The following STAG1 variants were observed in gnomAD, a reference collection of about 807,000 sequenced individuals.
STAG1 encodes the protein STAG1 cohesin complex component, also known as cohesin subunit SA-1.
STAG1 carries 26 observed loss-of-function variants against 170.9 expected under a neutral mutation model. The observed-to-expected ratio is 0.15, with a 90% CI of 0.11 to 0.21. The LOEUF is 0.21. STAG1 is among the 10% of genes least tolerant of loss of function. STAG1 has a pLI of 1.00. For missense variants in STAG1, 964 were observed against 1,509.5 expected (o/e 0.64, Z 5.99); for synonymous variants, 514 against 497.7 (o/e 1.03, Z -0.44).
chr3:136,422,108 C>T (rs893779033), intron 19 of STAG1, among the ~76,000 whole-genome samples: 1 of 145,590 alleles, frequency 6.9e-6, no homozygotes. Flanking sequence ...GAACTGAGAT[C>T]GTGCCACTGC....
intron 1 of STAG1, among the ~76,000 whole-genome samples, chr3:136,679,707 C>A (rs1431875050): frequency 7.5e-6 from 1 of 133,190 alleles, no homozygotes; most frequent in Non-Finnish European, 1.5e-5. Flanking sequence ...CTGGCCTGGG[C>A]GAAAGAGCAA....
intron 4 of STAG1, among the ~76,000 whole-genome samples, chr3:136,595,676 C>CAATAAATA (rs59472050): frequency 5.3e-4 from 68 of 127,430 alleles, no homozygotes; most frequent in Admixed American, 1.2e-3. Flanking sequence ...GACTCCATCT[C>CAATAAATA]AATAAATAAA....
At chr3:136,489,180 A>T (rs1276705214) in intron 9 of STAG1, among the ~76,000 whole-genome samples, 1 of 152,268 alleles carries the variant, frequency 6.6e-6, no homozygotes, top group Non-Finnish European at 1.5e-5. Flanking sequence ...TCTATTTTAC[A>T]GCATAAAAGA....
intron 12 of STAG1, among the ~76,000 whole-genome samples, chr3:136,469,624 G>GA (rs1439825735): frequency 7.9e-5 from 12 of 152,140 alleles, no homozygotes; most frequent in African/African-American, 2.7e-4. Context: ...CACAGAATTG[G>GA]AAAAAACTAC....
chr3:136,472,257 C>T (rs1270846136), intron 12 of STAG1, among the ~76,000 whole-genome samples, 156 bp downstream of exon 12: 1 of 151,722 alleles, frequency 6.6e-6, no homozygotes, highest in Non-Finnish European at 1.5e-5. Context: ...TAGAAAAAAA[C>T]AGAAAACACT....
At chr3:136,717,021 T>C (rs1381151437) in intron 1 of STAG1, among the ~76,000 whole-genome samples, 7 of 152,220 alleles carry the variant, frequency 4.6e-5, no homozygotes, top group Non-Finnish European at 1.0e-4. Flanking sequence ...CAAATGGGAA[T>C]TTACATAAAT....
intron 5 of STAG1, 84 bp from the exon 6 acceptor site, chr3:136,542,279 G>C (rs1407097367): frequency 2.1e-6 from 2 of 970,158 alleles, no homozygotes; most frequent in Non-Finnish European, 1.6e-6. Flanking sequence ...CAAGTTATCT[G>C]TGAGAATCCC....
At chr3:136,646,847 G>A (rs748508082) in intron 1 of STAG1, among the ~76,000 whole-genome samples, 1 of 151,978 alleles carries the variant, frequency 6.6e-6, no homozygotes, top group Non-Finnish European at 1.5e-5. Context: ...AGGAGGTGGA[G>A]GTTGCAGTGA....
At chr3:136,560,968 T>C (rs1041342532) in intron 5 of STAG1, among the ~76,000 whole-genome samples, 5 of 152,088 alleles carry the variant, frequency 3.3e-5, no homozygotes, top group Non-Finnish European at 7.4e-5. Context: ...CTGCCTTTCC[T>C]TGCTCTCTTC....
intron 1 of STAG1, among the ~76,000 whole-genome samples, chr3:136,739,852 T>C (rs560729453): frequency 4.6e-5 from 7 of 151,376 alleles, no homozygotes; most frequent in South Asian, 4.2e-4. Flanking sequence ...TATACATATA[T>C]ACACACACAC....
At chr3:136,470,306 C>T (rs1390156587) in intron 12 of STAG1, among the ~76,000 whole-genome samples, 2 of 152,062 alleles carry the variant, frequency 1.3e-5, no homozygotes, top group Non-Finnish European at 2.9e-5. Context: ...ACAAACAACC[C>T]CATCAAAAAG....
chr3:136,524,838 A>G (rs952383905), intron 6 of STAG1, among the ~76,000 whole-genome samples: 5 of 152,214 alleles, frequency 3.3e-5, no homozygotes, highest in Non-Finnish European at 5.9e-5. Context: ...CCTTTTCAGC[A>G]TCTATTGAGA....
intron 21 of STAG1, among the ~76,000 whole-genome samples, chr3:136,408,959 T>C (rs2087555547): frequency 6.6e-6 from 1 of 152,008 alleles, no homozygotes; most frequent in Non-Finnish European, 1.5e-5. Context: ...TCTATCAATA[T>C]AAATAACATA....
intron 23 of STAG1, among the ~76,000 whole-genome samples, chr3:136,376,099 C>A (rs1435211705): frequency 8.0e-6 from 1 of 124,552 alleles, no homozygotes; most frequent in Non-Finnish European, 1.8e-5. Context: ...AAGTAGTGTT[C>A]TGAAGATTTA....
At chr3:136,566,338 A>G (rs1937075819) in intron 5 of STAG1, among the ~76,000 whole-genome samples, 1 of 152,208 alleles carries the variant, frequency 6.6e-6, no homozygotes, top group Non-Finnish European at 1.5e-5. Flanking sequence ...GCAATGTGGA[A>G]GAGGGCCCTC....
intron 13 of STAG1, among the ~76,000 whole-genome samples, chr3:136,455,371 T>C (rs947949939): frequency 6.6e-6 from 1 of 152,206 alleles, no homozygotes; most frequent in Non-Finnish European, 1.5e-5. Context: ...CGGTGCCAAC[T>C]GCCCCCTCCC....
intron 4 of STAG1, among the ~76,000 whole-genome samples, chr3:136,602,393 A>G (rs1225338717): frequency 6.6e-6 from 1 of 151,914 alleles, no homozygotes; most frequent in African/African-American, 2.4e-5. Context: ...AAAAAAAAAA[A>G]AAAGAGAGAG....
chr3:136,373,614 G>T (rs1392130800), intron 23 of STAG1, among the ~76,000 whole-genome samples: 1 of 152,140 alleles, frequency 6.6e-6, no homozygotes, highest in Non-Finnish European at 1.5e-5. Context: ...GTACCCAGTA[G>T]TCATTCAGGA....
At chr3:136,463,741 G>GTGCA (rs1169761182) in intron 13 of STAG1, among the ~76,000 whole-genome samples, 6 of 44,498 alleles carry the variant, frequency 1.3e-4, no homozygotes, top group Non-Finnish European at 2.9e-4. Flanking sequence ...GTATATGTGT[G>GTGCA]TGTGTGTGTG....
Sources: allele counts gnomAD v4.1 joint callset (sites outside exome capture counted in the v4.1 genomes callset), GRCh38; gene constraint gnomAD v4.1.1; transcripts MANE v1.5; gene names NCBI Gene and HGNC (gene_info 2026-07-23, HGNC 2026-07-21).